Variants in SPHKAP observed in about 807,000 individuals in gnomAD.
SPHKAP encodes SPHK1 interactor, AKAP domain containing.
A neutral mutation model predicts 137.5 loss-of-function variants in SPHKAP; 67 were observed. The ratio of observed to expected loss-of-function variants is 0.49; its 90% CI spans 0.40 to 0.60. The LOEUF is 0.60. Ranked by LOEUF, SPHKAP falls within the 20% of genes least tolerant of loss-of-function variation. SPHKAP has a pLI of 0.00. For synonymous variants in SPHKAP, 813 were observed against 785.3 expected (o/e 1.04, Z -0.59); for missense variants, 2,097 against 2,069.3 (o/e 1.01, Z -0.26).
intron 11 of SPHKAP, among the ~76,000 whole-genome samples, chr2:227,987,573 G>C (rs144625554): frequency 7.2e-5 from 11 of 152,278 alleles, no homozygotes; most frequent in Non-Finnish European, 1.5e-4. Context: ...TAAAACACAA[G>C]TGAAAGGGAA....
At chr2:228,044,979 C>A (rs1254180632) in intron 3 of SPHKAP, among the ~76,000 whole-genome samples, 1 of 151,804 alleles carries the variant, frequency 6.6e-6, no homozygotes, top group Non-Finnish European at 1.5e-5. Context: ...TTTATGCAGC[C>A]AAAAAACACA....
intron 3 of SPHKAP, among the ~76,000 whole-genome samples, chr2:228,096,239 G>A (rs1697977142): frequency 1.3e-5 from 2 of 152,070 alleles, no homozygotes; most frequent in African/African-American, 4.8e-5. Flanking sequence ...GTATGGAGAG[G>A]GCAGATGTAG....
At chr2:227,987,365 G>A (rs1693250692) in intron 11 of SPHKAP, among the ~76,000 whole-genome samples, 2 of 152,130 alleles carry the variant, frequency 1.3e-5, no homozygotes, top group South Asian at 4.1e-4. Flanking sequence ...TACAATCTGA[G>A]CTTCTCTCCG....
intron 2 of SPHKAP, among the ~76,000 whole-genome samples, chr2:228,112,763 C>T (rs200742659): frequency 1.3e-4 from 20 of 152,050 alleles, no homozygotes; most frequent in Middle Eastern, 3.4e-3. Context: ...ATTAATCTGC[C>T]GAGTCCTCAG....
intron 11 of SPHKAP, among the ~76,000 whole-genome samples, chr2:227,986,835 C>G (rs1286800184): frequency 6.6e-6 from 1 of 152,118 alleles, no homozygotes. Context: ...ATCAGCTACC[C>G]CAGCTCAGAG....
intron 3 of SPHKAP, among the ~76,000 whole-genome samples, chr2:228,090,568 T>C (rs1345383914): frequency 1.3e-5 from 2 of 152,118 alleles, no homozygotes; most frequent in African/African-American, 4.8e-5. Context: ...CAGAATGATA[T>C]AGTTTGGATG....
At chr2:228,099,756 G>A (rs1298523686) in intron 3 of SPHKAP, among the ~76,000 whole-genome samples, 1 of 151,786 alleles carries the variant, frequency 6.6e-6, no homozygotes, top group Non-Finnish European at 1.5e-5. Flanking sequence ...TTGGTTAGAT[G>A]TAATCCTAAA....
intron 3 of SPHKAP, among the ~76,000 whole-genome samples, chr2:228,063,232 C>A (rs949494401): frequency 1.3e-5 from 2 of 151,886 alleles, no homozygotes; most frequent in African/African-American, 4.8e-5. Context: ...ATCTACCTGT[C>A]TATCTACCTA....
At chr2:228,076,436 C>T (rs888611591) in intron 3 of SPHKAP, among the ~76,000 whole-genome samples, 4 of 152,198 alleles carry the variant, frequency 2.6e-5, no homozygotes, top group African/African-American at 9.7e-5. Flanking sequence ...TGTTGAATGA[C>T]TTTGACCAAA....
intron 3 of SPHKAP, among the ~76,000 whole-genome samples, chr2:228,092,095 ATATATG>A (rs1473123485): frequency 2.1e-5 from 3 of 143,280 alleles, no homozygotes; most frequent in Non-Finnish European, 3.1e-5. Context: ...ATATGTGTGT[ATATATG>A]TATATATACA....
intron 3 of SPHKAP, among the ~76,000 whole-genome samples, chr2:228,103,098 C>G (rs1388033190): frequency 6.6e-6 from 1 of 152,146 alleles, no homozygotes; most frequent in Non-Finnish European, 1.5e-5. Flanking sequence ...TTCCACACAA[C>G]CTTCACAGAT....
chr2:228,174,387 GAGA>G (rs1700678000), intron 1 of SPHKAP, among the ~76,000 whole-genome samples: 1 of 151,956 alleles, frequency 6.6e-6, no homozygotes, highest in South Asian at 2.1e-4. Context: ...TATGTGGCAT[GAGA>G]AGGTCTTGAA....
rs79117254 is a variant in SPHKAP, at chr2:228,095,375, G to T, written c.246+13457C>A. Reference sequence around the variant, plus strand: ...TCTTTGGGAAACATCACATTAAAGTGCCTGGTGGGGAAAACAGAAGTTCAG... The same window carrying T: ...TCTTTGGGAAACATCACATTAAAGTTCCTGGTGGGGAAAACAGAAGTTCAG... On this transcript the variant is annotated intron_variant, in intron 3 of 11. Transcript: ENST00000392056. Among the ~76,000 whole-genome samples the T allele has an allele frequency of 6.0e-3, 914 of 152,280 alleles. 13 individuals carry two copies. Among genetic ancestry groups the T allele is most frequent in the African/African-American group, 0.021 (857 of 41,544 alleles).
intron 2 of SPHKAP, among the ~76,000 whole-genome samples, chr2:228,111,969 G>C (rs1408394564): frequency 2.6e-5 from 4 of 151,954 alleles, no homozygotes; most frequent in South Asian, 2.1e-4. Flanking sequence ...GAAATTCTGA[G>C]GTGACAATTT....
chr2:228,128,957 A>T (rs1047147712), intron 2 of SPHKAP, among the ~76,000 whole-genome samples: 3 of 152,194 alleles, frequency 2.0e-5, no homozygotes, highest in African/African-American at 7.2e-5. Flanking sequence ...AGCATAATAC[A>T]TAGGGGCCCT....
At position 228,015,380 on chromosome 2, in the gene SPHKAP, A is replaced by C. The variant is rs527845824; in HGVS notation, c.4448+1026T>G. On this transcript the variant is annotated intron_variant, in intron 7 of 11. Coordinates refer to ENST00000392056, the MANE Select transcript of SPHKAP (RefSeq NM_001142644.2). ...TATTGTGAATAGTGCTGCAATAAAC[A>C]TACGTGTTCATGTGTCTTTATAGCA... is the stretch of plus-strand genomic sequence containing the variant. 7.2e-3 allele frequency among the ~76,000 whole-genome samples: 1,092 copies of C among 151,940 alleles called. 12 individuals are homozygous for C. Among genetic ancestry groups the C allele is most frequent in the African/African-American group, 0.024 (1,001 of 41,366 alleles).
chr2:228,152,171 C>T (rs1699954915), intron 1 of SPHKAP, among the ~76,000 whole-genome samples: 2 of 152,104 alleles, frequency 1.3e-5, no homozygotes, highest in Non-Finnish European at 2.9e-5. Context: ...ATGTTACATA[C>T]TTTCTAAAGG....
intron 11 of SPHKAP, chr2:227,982,496 G>A: frequency 2.8e-6 from 1 of 362,082 alleles, no homozygotes; most frequent in Non-Finnish European, 3.8e-6. Flanking sequence ...AGAAAGTCTG[G>A]ACTGCAAGTG....
At chr2:228,149,507 T>C (rs534906001) in intron 1 of SPHKAP, among the ~76,000 whole-genome samples, 2 of 152,194 alleles carry the variant, frequency 1.3e-5, no homozygotes, top group South Asian at 4.1e-4. Context: ...GGTAGTAAAA[T>C]ATCAGAGACA....
Sources: gnomAD v4.1 joint callset for allele counts (sites outside exome capture counted in the v4.1 genomes callset) on GRCh38, gnomAD v4.1.1 for gene constraint, MANE v1.5 for transcripts, NCBI Gene and HGNC (gene_info 2026-07-23, HGNC 2026-07-21) for gene names.